Variants in GFRA1 observed in about 807,000 individuals in gnomAD.
GFRA1 encodes the protein GDNF family receptor alpha 1.
Under a neutral mutation model 51.6 loss-of-function variants are expected in GFRA1, and 16 were observed. The observed-to-expected ratio is 0.31, with a 90% CI of 0.21 to 0.47. The LOEUF is 0.47. Ranked by LOEUF, GFRA1 falls within the 20% of genes least tolerant of loss-of-function variation. GFRA1 has a pLI of 1.00. For synonymous variants in GFRA1, 270 were observed against 241.3 expected (o/e 1.12, Z -1.10); for missense variants, 530 against 594.3 (o/e 0.89, Z 1.13).
Position 116,061,555 on chromosome 10 carries a change from T to C in GFRA1, c.*2843A>G, listed in dbSNP as rs1001544189. 6.4e-6 allele frequency: 1 copy of C among 156,104 alleles called. No homozygotes were observed. Among genetic ancestry groups the C allele is most frequent in the South Asian group, 2.1e-4 (1 of 4,854 alleles). 9.7% of individuals were successfully genotyped at this position (156,104 alleles called of 1,614,324 possible). A position where few individuals can be genotyped will look rare whatever the true frequency, so the allele number is the denominator to read the frequency against. The stretch of plus-strand genomic sequence containing the variant: ...AATACTGCCTTTATTCCCCCTCTCT[T>C]TCTCTCTGAAATAAGTAGGGCATGG... On this transcript the variant is annotated 3_prime_UTR_variant, in exon 11 of 11. Coordinates refer to ENST00000355422, the MANE Select transcript of GFRA1 (RefSeq NM_005264.8).
At chr10:116,244,638 G>A (rs1274135047) in intron 4 of GFRA1, among the ~76,000 whole-genome samples, 1 of 151,822 alleles carries the variant, frequency 6.6e-6, no homozygotes, top group African/African-American at 2.4e-5. Context: ...TAGTGACTAG[G>A]AGGACAGACC....
intron 4 of GFRA1, among the ~76,000 whole-genome samples, chr10:116,239,333 G>A (rs769755575): frequency 1.1e-4 from 16 of 151,992 alleles, no homozygotes; most frequent in South Asian, 2.1e-4. Context: ...GGGCTTTGCC[G>A]GATATATATC....
intron 4 of GFRA1, among the ~76,000 whole-genome samples, chr10:116,258,589 ATATTTTCATGGGC>A (rs1377057466): frequency 6.6e-6 from 1 of 151,956 alleles, no homozygotes; most frequent in Non-Finnish European, 1.5e-5. Context: ...CTTTCATGGG[ATATTTTCATGGGC>A]TATTTCTCCC....
chr10:116,168,978 G>C (rs1960765897), intron 5 of GFRA1, among the ~76,000 whole-genome samples: 1 of 152,198 alleles, frequency 6.6e-6, no homozygotes, highest in African/African-American at 2.4e-5. Flanking sequence ...ATGGGTTCCA[G>C]ACAGGGCAGT....
chr10:116,129,560 A>G (rs1339118467), intron 5 of GFRA1, among the ~76,000 whole-genome samples: 1 of 152,096 alleles, frequency 6.6e-6, no homozygotes, highest in East Asian at 1.9e-4. Flanking sequence ...ACCTATAACT[A>G]AAGTCATATT....
intron 8 of GFRA1, among the ~76,000 whole-genome samples, chr10:116,092,735 G>C (rs564244428): frequency 6.6e-5 from 10 of 152,128 alleles, no homozygotes; most frequent in African/African-American, 2.2e-4. Flanking sequence ...CTGTATGGCA[G>C]GATAAAACCA....
intron 2 of GFRA1, among the ~76,000 whole-genome samples, chr10:116,271,321 C>G (rs1349290331): frequency 6.6e-6 from 1 of 152,116 alleles, no homozygotes; most frequent in Non-Finnish European, 1.5e-5. Flanking sequence ...CTCCCGGGCC[C>G]GCAAGGAAGA....
At chr10:116,070,777 T>C (rs1403732652) in intron 9 of GFRA1, among the ~76,000 whole-genome samples, 2 of 150,904 alleles carry the variant, frequency 1.3e-5, no homozygotes, top group African/African-American at 4.9e-5. Context: ...TTTTTTTTTT[T>C]TTTTGGCTTT....
intron 5 of GFRA1, among the ~76,000 whole-genome samples, chr10:116,143,740 A>T (rs1414204130): frequency 6.6e-6 from 1 of 152,102 alleles, no homozygotes. Context: ...AGAGCCACAG[A>T]TGGGAAATTA....
At chr10:116,205,477 A>G (rs1242092123) in intron 5 of GFRA1, among the ~76,000 whole-genome samples, 1 of 151,788 alleles carries the variant, frequency 6.6e-6, no homozygotes, top group Non-Finnish European at 1.5e-5. Flanking sequence ...CAGGAGGCTG[A>G]GGCAGGAGAA....
Position 116,064,079 on chromosome 10 carries a change from GATCATCATCATGATC to G in GFRA1, c.*304_*318del, listed in dbSNP as rs1174394820. The stretch of plus-strand genomic sequence containing the variant: ...TGATGATCATCATCATGATCATGAT[GATCATCATCATGATC>G]ATCATCATCATCGAAAACACAGCCC... On this transcript the variant is annotated 3_prime_UTR_variant, in exon 11 of 11. Coordinates refer to ENST00000355422, the MANE Select transcript of GFRA1 (RefSeq NM_005264.8). 4.9e-5 allele frequency: 6 copies of G among 121,996 alleles called. No homozygotes were observed. The highest frequency in any genetic ancestry group is 2.6e-4 in the East Asian group (1 of 3,878). The allele number at this position is 121,996 out of a possible 1,614,324, so 7.6% of individuals were successfully genotyped here. A position where few individuals can be genotyped will look rare whatever the true frequency, so the allele number is the denominator to read the frequency against.
chr10:116,237,575 A>G (rs893197209), intron 4 of GFRA1, among the ~76,000 whole-genome samples: 1 of 10,226 alleles, frequency 9.8e-5, no homozygotes, highest in East Asian at 1.4e-3. Context: ...AACTAAAGGC[A>G]AAAAAAAAAA....
chr10:116,102,034 C>T (rs1020092786), intron 6 of GFRA1, among the ~76,000 whole-genome samples: 3 of 152,086 alleles, frequency 2.0e-5, no homozygotes, highest in African/African-American at 4.8e-5. Flanking sequence ...TGGTTTTCTT[C>T]GAGTCTTGAG....
chr10:116,248,833 G>T (rs1968082187), intron 4 of GFRA1, among the ~76,000 whole-genome samples: 1 of 152,158 alleles, frequency 6.6e-6, no homozygotes, highest in African/African-American at 2.4e-5. Context: ...GATGGGTGTA[G>T]CTGGTCCTTC....
chr10:116,110,446 ACT>A (rs1957163882), intron 6 of GFRA1, among the ~76,000 whole-genome samples: 1 of 151,660 alleles, frequency 6.6e-6, no homozygotes, highest in African/African-American at 2.4e-5. Flanking sequence ...AGGAGAGGAC[ACT>A]CTCCCTCATG....
intron 5 of GFRA1, among the ~76,000 whole-genome samples, chr10:116,139,051 G>A (rs1166570754): frequency 6.6e-6 from 1 of 152,182 alleles, no homozygotes; most frequent in East Asian, 1.9e-4. Context: ...GTGGTGTTGG[G>A]CACCAAGCCA....
rs1956253930 is a variant in GFRA1 at position 116,089,795 on chromosome 10, T to G, written c.1143A>C (p.Ala381=). The G allele has an allele frequency of 6.2e-7, 1 of 1,614,052 alleles. No homozygotes were observed. Among genetic ancestry groups the G allele is most frequent in the African/African-American group, 1.3e-5 (1 of 74,914 alleles). The stretch of plus-strand genomic sequence containing the variant: ...GAGTGGGAATTTCATTCTCAGACCC[T>G]GCTGGCCCCAGGGGCTTGTTCTTAA... The part of the protein sequence containing the change: ...LRVKNKPLGP[A]GSENEIPTHV... Residue 381 remains alanine, a synonymous_variant, in exon 9 of 11, where the codon GCA becomes GCC. Transcript: ENST00000355422.
chr10:116,137,834 C>T (rs990572876), intron 5 of GFRA1, among the ~76,000 whole-genome samples: 1 of 152,242 alleles, frequency 6.6e-6, no homozygotes, highest in Admixed American at 6.5e-5. Flanking sequence ...TGGAGTCTCG[C>T]TCTGTTGCCC....
intron 9 of GFRA1, among the ~76,000 whole-genome samples, chr10:116,070,936 A>ACAAT (rs1237850953): frequency 6.6e-6 from 1 of 152,204 alleles, no homozygotes; most frequent in Non-Finnish European, 1.5e-5. Flanking sequence ...AAACTTGGTA[A>ACAAT]CAATCACTTG....
Sources: allele counts gnomAD v4.1 joint callset (sites outside exome capture counted in the v4.1 genomes callset), GRCh38; gene constraint gnomAD v4.1.1; transcripts MANE v1.5; gene names NCBI Gene and HGNC (gene_info 2026-07-23, HGNC 2026-07-21).